The following STXBP5 variants were observed in gnomAD, a reference collection of about 807,000 sequenced individuals.
STXBP5 encodes syntaxin-binding protein 5.
In STXBP5, 50 loss-of-function variants were observed where a neutral mutation model predicts 152.4. The ratio of observed to expected loss-of-function variants is 0.33; its 90% CI spans 0.26 to 0.42. STXBP5 has a LOEUF of 0.42. STXBP5 is among the 10% of genes least tolerant of loss of function. The pLI, the probability that STXBP5 is intolerant of heterozygous loss-of-function variation, is 1.00. For missense variants in STXBP5, 1,167 were observed against 1,388.6 expected, an observed-to-expected ratio of 0.84 and a Z score of 2.54; for synonymous variants, 492 against 494.7, an observed-to-expected ratio of 0.99 and a Z score of 0.07.
intron 8 of STXBP5, among the ~76,000 whole-genome samples, chr6:147,280,929 A>G (rs181359237): frequency 1.3e-5 from 2 of 152,316 alleles, no homozygotes. Context: ...CCAGAATTTT[A>G]TATAAAGTAA....
chr6:147,355,528 A>G (rs1014536993), intron 22 of STXBP5, among the ~76,000 whole-genome samples: 14 of 152,280 alleles, frequency 9.2e-5, no homozygotes, highest in South Asian at 2.1e-4. Context: ...TTAATTCTCA[A>G]TAATAACCAT....
At chr6:147,282,796 C>T (rs1403493304) in intron 8 of STXBP5, among the ~76,000 whole-genome samples, 2 of 152,092 alleles carry the variant, frequency 1.3e-5, no homozygotes, top group Admixed American at 6.6e-5. Flanking sequence ...TCCCCTGTAG[C>T]GCAGGGTTGA....
intron 14 of STXBP5, 36 bp from the exon 15 acceptor site, chr6:147,315,479 T>C (rs1022980978): frequency 2.2e-6 from 3 of 1,389,010 alleles, no homozygotes; most frequent in African/African-American, 2.9e-5. Context: ...GATCATTTTA[T>C]ATTAAAGTAT....
At position 147,314,045 on chromosome 6, in the gene STXBP5, G is replaced by A. The variant is rs373278691; in HGVS notation, c.1293+14G>A. The A allele has an allele frequency of 2.3e-5, 36 of 1,570,364 alleles. No individual in the cohort carries two copies. The highest frequency in any genetic ancestry group is 3.0e-5 in the Non-Finnish European group (35 of 1,153,602). On this transcript the variant is annotated intron_variant, in intron 12 of 27. Transcript: ENST00000321680. ...TACAGCAAAAAGGTATTGAACATGA[G>A]CTTCAGTATTTAATGTTATATTTCT...
intron 23 of STXBP5, among the ~76,000 whole-genome samples, chr6:147,362,737 A>C (rs1231023024): frequency 6.6e-6 from 1 of 152,200 alleles, no homozygotes; most frequent in Admixed American, 6.5e-5. Context: ...GGTGAAATTA[A>C]TTTTAATAAC....
chr6:147,274,356 G>C (rs968425689), intron 7 of STXBP5, among the ~76,000 whole-genome samples: 4 of 151,848 alleles, frequency 2.6e-5, no homozygotes, highest in African/African-American at 9.7e-5. Flanking sequence ...AAAGGGCAGT[G>C]GTTTCAGTTT....
At chr6:147,247,706 T>A (rs989924381) in intron 4 of STXBP5, among the ~76,000 whole-genome samples, 1 of 152,174 alleles carries the variant, frequency 6.6e-6, no homozygotes, top group African/African-American at 2.4e-5. Context: ...AATATTGTGA[T>A]TAATTTTGTC....
chr6:147,253,225 A>T (rs1779187155), intron 4 of STXBP5, among the ~76,000 whole-genome samples: 1 of 152,236 alleles, frequency 6.6e-6, no homozygotes, highest in African/African-American at 2.4e-5. Flanking sequence ...TTATCTCAAT[A>T]GATGCAGAGA....
At chr6:147,271,822 ATAAAAT>A (rs1265194295) in intron 7 of STXBP5, among the ~76,000 whole-genome samples, 1 of 152,170 alleles carries the variant, frequency 6.6e-6, no homozygotes, top group Non-Finnish European at 1.5e-5. Context: ...GAGAAAAGTG[ATAAAAT>A]TAAAAGCTGG....
intron 5 of STXBP5, among the ~76,000 whole-genome samples, chr6:147,261,424 T>A (rs574145475): frequency 6.6e-6 from 1 of 152,022 alleles, no homozygotes; most frequent in Non-Finnish European, 1.5e-5. Flanking sequence ...GACATAAAAA[T>A]CAAAGTTTAA....
chr6:147,289,025 G>A (rs911857056), intron 8 of STXBP5, among the ~76,000 whole-genome samples: 11 of 152,130 alleles, frequency 7.2e-5, no homozygotes, highest in African/African-American at 1.7e-4. Flanking sequence ...AGTGCCCCCC[G>A]AAGGTCATAC....
chr6:147,207,410 T>C (rs1304256594), intron 2 of STXBP5, among the ~76,000 whole-genome samples: 1 of 152,204 alleles, frequency 6.6e-6, no homozygotes, highest in East Asian at 1.9e-4. Flanking sequence ...AGGCTAGATC[T>C]GAATCTGTTA....
chr6:147,370,408 T>G (rs2128417443), intron 25 of STXBP5, among the ~76,000 whole-genome samples: 1 of 152,198 alleles, frequency 6.6e-6, no homozygotes, highest in Middle Eastern at 3.4e-3. Flanking sequence ...TCGATTATAC[T>G]TCAGTAAAGC....
At chr6:147,345,229 AAC>A (rs747512878) in intron 21 of STXBP5, among the ~76,000 whole-genome samples, 6 of 152,148 alleles carry the variant, frequency 3.9e-5, no homozygotes, top group Non-Finnish European at 8.8e-5. Flanking sequence ...GTGTTTATTA[AAC>A]ACACATTAAA....
intron 16 of STXBP5, among the ~76,000 whole-genome samples, chr6:147,323,390 T>C (rs1783038529): frequency 6.6e-6 from 1 of 152,004 alleles, no homozygotes. Context: ...TGGCCTTTAA[T>C]TCTTCTTTTT....
At chr6:147,277,256 G>C (rs1421253410) in intron 7 of STXBP5, among the ~76,000 whole-genome samples, 4 of 152,062 alleles carry the variant, frequency 2.6e-5, no homozygotes, top group African/African-American at 9.7e-5. Context: ...ATATGTGACA[G>C]AAGTTTTGAG....
chr6:147,246,655 A>G (rs1281859916), intron 4 of STXBP5, among the ~76,000 whole-genome samples: 1 of 152,102 alleles, frequency 6.6e-6, no homozygotes, highest in Non-Finnish European at 1.5e-5. Flanking sequence ...GACTTTTATT[A>G]TTTGATGATA....
intron 9 of STXBP5, among the ~76,000 whole-genome samples, chr6:147,304,993 A>G (rs1248303787): frequency 1.3e-5 from 2 of 152,172 alleles, no homozygotes; most frequent in African/African-American, 4.8e-5. Flanking sequence ...TGAGATCCTC[A>G]ATAGCATCCT....
chr6:147,390,263 A>G lies in STXBP5; in HGVS notation c.*5508A>G, dbSNP rs1393992652. On this transcript the variant is annotated 3_prime_UTR_variant, in exon 28 of 28. Transcript: ENST00000321680. The stretch of plus-strand genomic sequence containing the variant: ...CTTTGTAGTTATTTTGCATTCCTGT[A>G]CTTTACAAACTGTCATCACAGCAAA... The G allele has an allele frequency of 6.6e-6, 1 of 152,084 alleles. No homozygotes were observed. The highest frequency in any genetic ancestry group is 1.9e-4 in the East Asian group (1 of 5,186). 9.4% of individuals were successfully genotyped at this position (152,084 alleles called of 1,614,324 possible).
Sources: allele counts gnomAD v4.1 joint callset (sites outside exome capture counted in the v4.1 genomes callset), GRCh38; gene constraint gnomAD v4.1.1; transcripts MANE v1.5; gene names NCBI Gene and HGNC (gene_info 2026-07-23, HGNC 2026-07-21).